NAP1L1: variants seen among roughly 807,000 people sequenced by gnomAD.
NAP1L1 encodes the protein nucleosome assembly protein 1-like 1.
Under a neutral mutation model 58.9 loss-of-function variants are expected in NAP1L1, and 9 were observed. The ratio of observed to expected loss-of-function variants is 0.15; its 90% CI spans 0.09 to 0.27. The LOEUF is 0.27. Ranked by LOEUF, NAP1L1 falls within the 10% of genes least tolerant of loss-of-function variation. The pLI is 1.00. For synonymous variants in NAP1L1, 130 were observed against 138.3 expected, an observed-to-expected ratio of 0.94 and a Z score of 0.42; for missense variants, 302 against 458.8, an observed-to-expected ratio of 0.66 and a Z score of 3.12.
intron 3 of NAP1L1, 174 bp downstream of exon 3, chr12:76,068,735 T>TACGCACAC (rs1949801107): frequency 3.5e-6 from 1 of 281,758 alleles, no homozygotes; most frequent in Admixed American, 6.8e-5. Flanking sequence ...ACCCGCCCCT[T>TACGCACAC]ACACACACAC....
chr12:76,044,591 G>A lies in NAP1L1; in HGVS notation c.*3838C>T, dbSNP rs1304098381. The A allele has an allele frequency of 6.6e-6, 1 of 152,176 alleles. No homozygotes were observed. Among genetic ancestry groups the A allele is most frequent in the African/African-American group, 2.4e-5 (1 of 41,448 alleles). 9.4% of individuals were successfully genotyped at this position (152,176 alleles called of 1,614,324 possible). A position where few individuals can be genotyped will look rare whatever the true frequency, so the allele number is the denominator to read the frequency against. Reference sequence around the variant, plus strand: ...TAAGTCAAAAATATCATAAGTAGAAGATGTGTTTAATACTCCAATAAACTC... The same window carrying A: ...TAAGTCAAAAATATCATAAGTAGAAAATGTGTTTAATACTCCAATAAACTC... On this transcript the variant is annotated 3_prime_UTR_variant, in exon 15 of 15. Coordinates refer to ENST00000618691, the MANE Select transcript of NAP1L1 (RefSeq NM_004537.7).
intron 9 of NAP1L1, among the ~76,000 whole-genome samples, 174 bp downstream of exon 9, chr12:76,053,596 G>A (rs2136974703): frequency 6.6e-6 from 1 of 152,302 alleles, no homozygotes; most frequent in Non-Finnish European, 1.5e-5. Flanking sequence ...ATGTGAGACA[G>A]TCATGGGTCC....
chr12:76,062,577 C>T (rs1356800426), intron 4 of NAP1L1, among the ~76,000 whole-genome samples: 2 of 152,226 alleles, frequency 1.3e-5, no homozygotes, highest in Non-Finnish European at 1.5e-5. Flanking sequence ...AAGAAATCTA[C>T]AACAGACTGG....
chr12:76,050,839 C>A (rs143373470), intron 11 of NAP1L1, among the ~76,000 whole-genome samples, 186 bp from the exon 12 acceptor site: 61 of 152,072 alleles, frequency 4.0e-4, no homozygotes, highest in East Asian at 2.3e-3. Flanking sequence ...CATAGTGAGA[C>A]GCCCCCTGCG....
intron 5 of NAP1L1, 49 bp from the exon 6 acceptor site, chr12:76,059,927 G>T: frequency 7.1e-7 from 1 of 1,409,010 alleles, no homozygotes; most frequent in Non-Finnish European, 9.8e-7. Flanking sequence ...TGGCATCCAA[G>T]CTAAAACCAG....
chr12:76,064,915 T>C (rs1319803269), intron 4 of NAP1L1, among the ~76,000 whole-genome samples: 2 of 152,116 alleles, frequency 1.3e-5, no homozygotes, highest in Non-Finnish European at 2.9e-5. Context: ...ATGCAAGTTG[T>C]TTCAGGAAAC....
chr12:76,058,337 C>A (rs1949231724), intron 6 of NAP1L1, among the ~76,000 whole-genome samples: 1 of 150,750 alleles, frequency 6.6e-6, no homozygotes, highest in Non-Finnish European at 1.5e-5. Flanking sequence ...GACTGTCATG[C>A]TCATACATGA....
intron 2 of NAP1L1, among the ~76,000 whole-genome samples, chr12:76,072,214 A>C (rs1949981922): frequency 6.6e-6 from 1 of 151,008 alleles, no homozygotes; most frequent in East Asian, 1.9e-4. Flanking sequence ...AGAGAAAGAA[A>C]ATGTAAGAGC....
intron 10 of NAP1L1, 31 bp downstream of exon 10, chr12:76,053,174 C>T: frequency 6.2e-7 from 1 of 1,612,486 alleles, no homozygotes; most frequent in Non-Finnish European, 8.5e-7. Flanking sequence ...TATAAAACAA[C>T]CGTTAATACT....
At position 76,052,312 on chromosome 12, in the gene NAP1L1, A is replaced by G. The variant is rs79589294; in HGVS notation, c.936+779T>C. Among the ~76,000 whole-genome samples, 1,485 of 152,234 alleles carry G rather than the reference A, an allele frequency of 9.8e-3. 22 individuals carry two copies. Among genetic ancestry groups the G allele is most frequent in the African/African-American group, 0.033 (1,378 of 41,556 alleles). On this transcript the variant is annotated intron_variant, in intron 11 of 14. Coordinates refer to ENST00000618691, the MANE Select transcript of NAP1L1 (RefSeq NM_004537.7). ...AACACAAACTCCAACCCATCCACTG[A>G]TATGAAAATAGTGTGATGCTCTATC...
At chr12:76,052,532 ACTAT>A (rs1317162068) in intron 11 of NAP1L1, among the ~76,000 whole-genome samples, 1 of 152,188 alleles carries the variant, frequency 6.6e-6, no homozygotes, top group African/African-American at 2.4e-5. Flanking sequence ...AACTATTTAA[ACTAT>A]CTCAGTTAAT....
In NAP1L1 at chr12:76,047,389, A is replaced by G. The variant is rs201347998; in HGVS notation, c.*1040T>C. On this transcript the variant is annotated 3_prime_UTR_variant, in exon 15 of 15. Coordinates refer to ENST00000618691, the MANE Select transcript of NAP1L1 (RefSeq NM_004537.7). ...AAAATGAATTTTTTTTTTTTTTTTT[A>G]AAAGAAAACAGCATCAATCACTTAA... 2.1e-5 allele frequency: 3 copies of G among 143,254 alleles called. No homozygotes were observed. Among genetic ancestry groups the G allele is most frequent in the Admixed American group, 6.9e-5 (1 of 14,430 alleles). 8.9% of individuals were successfully genotyped at this position (143,254 alleles called of 1,614,324 possible).
intron 1 of NAP1L1, among the ~76,000 whole-genome samples, chr12:76,077,331 T>C (rs910501907): frequency 2.2e-4 from 33 of 152,232 alleles, no homozygotes; most frequent in African/African-American, 7.7e-4. Flanking sequence ...CCTAATTTTC[T>C]AGTCAGTTGT....
chr12:76,061,431 C>G (rs1310217442), intron 4 of NAP1L1, among the ~76,000 whole-genome samples: 1 of 152,140 alleles, frequency 6.6e-6, no homozygotes, highest in African/African-American at 2.4e-5. Flanking sequence ...GCCTCTAGCT[C>G]CGTCCACGTT....
At chr12:76,058,383 G>A (rs1304409457) in intron 6 of NAP1L1, among the ~76,000 whole-genome samples, 1 of 141,836 alleles carries the variant, frequency 7.1e-6, no homozygotes, top group Non-Finnish European at 1.5e-5. Flanking sequence ...TTGGTTATTT[G>A]GTACTTTTTT....
intron 1 of NAP1L1, among the ~76,000 whole-genome samples, chr12:76,080,616 T>C (rs1220552760): frequency 6.6e-6 from 1 of 152,204 alleles, no homozygotes; most frequent in Admixed American, 6.5e-5. Context: ...TAACCATGCA[T>C]GACTGTGTAT....
intron 4 of NAP1L1, among the ~76,000 whole-genome samples, chr12:76,066,910 G>C (rs1334304667): frequency 6.6e-6 from 1 of 151,908 alleles, no homozygotes; most frequent in Non-Finnish European, 1.5e-5. Context: ...ATAAAACACA[G>C]CGAACACATA....
chr12:76,057,246 T>G (rs1468865232), intron 6 of NAP1L1: 1 of 273,020 alleles, frequency 3.7e-6, no homozygotes, highest in Non-Finnish European at 7.1e-6. Context: ...GCCAAGATCA[T>G]GCCAGTGTAC....
chr12:76,062,878 C>CA (rs1433989136), intron 4 of NAP1L1, among the ~76,000 whole-genome samples: 17 of 151,946 alleles, frequency 1.1e-4, no homozygotes, highest in African/African-American at 3.9e-4. Context: ...ATGAATATCA[C>CA]AGACAAAAGA....
Sources: gnomAD v4.1 joint callset for allele counts (sites outside exome capture counted in the v4.1 genomes callset) on GRCh38, gnomAD v4.1.1 for gene constraint, MANE v1.5 for transcripts, NCBI Gene and HGNC (gene_info 2026-07-23, HGNC 2026-07-21) for gene names.